Variants in CFAP92 observed in about 807,000 individuals in gnomAD.
CFAP92 encodes cilia and flagella associated protein 92 (putative), also known as uncharacterized protein CFAP92.
A neutral mutation model predicts 106.3 loss-of-function variants in CFAP92; 86 were observed. The observed-to-expected ratio is 0.81, with a 90% CI of 0.68 to 0.97. The LOEUF (loss-of-function observed/expected upper bound fraction) is 0.97. CFAP92 is among the 50% of genes least tolerant of loss of function. The probability of loss-of-function intolerance (pLI) is 0.00; values close to 1 mark genes in which losing one functional copy is unlikely to be tolerated. For missense variants in CFAP92, 1,204 were observed against 1,283.8 expected (o/e 0.94, Z 0.95); for synonymous variants, 477 against 506.4 (o/e 0.94, Z 0.78).
intron 9 of CFAP92, among the ~76,000 whole-genome samples, chr3:128,950,257 T>C (rs1480453180): frequency 1.3e-5 from 2 of 152,140 alleles, no homozygotes; most frequent in Non-Finnish European, 2.9e-5. Context: ...GAAAGCCCTG[T>C]AGAACCCAGG....
At chr3:128,932,673 C>T in intron 12 of CFAP92, 27 bp downstream of exon 12, 1 of 1,517,378 alleles carries the variant, frequency 6.6e-7, no homozygotes, top group Non-Finnish European at 8.8e-7. Flanking sequence ...GCCTGGGAAC[C>T]CCAAGTTGGG....
At position 128,978,140 on chromosome 3, in the gene CFAP92, C is replaced by G. The variant is rs777074633; in HGVS notation, c.713G>C (p.Gly238Ala). ...VLNQRKLSEQ[G>A]IENTNIVREE... ...TCTGACAATGTTGGTATTCTCAATG[C>G]CCTGTTCAGATAATTTTCTCTGATT... The change falls in exon 5 of 16, where the codon GGC becomes GCC. Residue 238 changes from glycine (G) to alanine (A), a missense_variant. By Grantham distance (60) the Gly-to-Ala change is moderately conservative. Coordinates refer to ENST00000645291, the MANE Select transcript of CFAP92 (RefSeq NM_001394090.1). 6.2e-7 allele frequency: 1 copy of G among 1,613,878 alleles called. No homozygotes were observed.
chr3:129,002,422 A>C (rs1458598370), intron 1 of CFAP92: 2 of 1,421,126 alleles, frequency 1.4e-6, no homozygotes, highest in African/African-American at 3.0e-5. Context: ...AGTCAGAGGA[A>C]GGGGAGACAG....
intron 15 of CFAP92, 133 bp downstream of exon 15, chr3:128,914,986 T>C (rs1936685313): frequency 1.2e-6 from 1 of 857,018 alleles, no homozygotes; most frequent in Non-Finnish European, 1.7e-6. Flanking sequence ...ATTCTGCATC[T>C]TGCTTTTCTT....
chr3:128,991,292 A>G (rs1944197587), intron 2 of CFAP92, among the ~76,000 whole-genome samples: 1 of 152,248 alleles, frequency 6.6e-6, no homozygotes, highest in African/African-American at 2.4e-5. Flanking sequence ...AATGGTCACC[A>G]TAAAATGACA....
intron 13 of CFAP92, 62 bp from the exon 14 acceptor site, chr3:128,915,625 A>G (rs1205298309): frequency 8.7e-7 from 1 of 1,144,834 alleles, no homozygotes; most frequent in Non-Finnish European, 1.2e-6. Flanking sequence ...ATTTATTTCC[A>G]AGTAGGAATC....
intron 4 of CFAP92, among the ~76,000 whole-genome samples, chr3:128,986,184 G>A (rs1007458466): frequency 6.6e-6 from 1 of 151,936 alleles, no homozygotes; most frequent in Non-Finnish European, 1.5e-5. Context: ...TCTGGAAGGT[G>A]CTGACAACGA....
intron 9 of CFAP92, among the ~76,000 whole-genome samples, chr3:128,951,797 C>T (rs1292887665): frequency 6.6e-6 from 1 of 152,214 alleles, no homozygotes; most frequent in African/African-American, 2.4e-5. Context: ...ACAAAGGCTA[C>T]ATGGGAAGCC....
intron 12 of CFAP92, among the ~76,000 whole-genome samples, chr3:128,927,343 C>T (rs1937781868): frequency 1.3e-5 from 2 of 148,444 alleles, no homozygotes; most frequent in Admixed American, 6.7e-5. Flanking sequence ...GAAGAGTATC[C>T]AGATTGGAAA....
At chr3:129,012,448 C>T in the CFAP92 span, among the ~76,000 whole-genome samples, 1 of 152,128 alleles carries the variant, frequency 6.6e-6, no homozygotes, top group African/African-American at 2.4e-5. Flanking sequence ...TGGTTCTACT[C>T]GCTCCTGCTC....
At chr3:128,950,466 C>T (rs1299640886) in intron 9 of CFAP92, among the ~76,000 whole-genome samples, 3 of 152,174 alleles carry the variant, frequency 2.0e-5, no homozygotes, top group South Asian at 2.1e-4. Context: ...CTAAAGGAAG[C>T]GGACTACACA....
chr3:128,936,834 A>AT (rs1559871411), intron 10 of CFAP92, among the ~76,000 whole-genome samples: 5 of 152,162 alleles, frequency 3.3e-5, no homozygotes, highest in African/African-American at 1.2e-4. Flanking sequence ...CCCAAATAAA[A>AT]TTTTTAAATT....
At chr3:128,997,239 C>A (rs988430240), upstream of CFAP92, among the ~76,000 whole-genome samples, 16 of 152,196 alleles carry the variant, frequency 1.1e-4, no homozygotes, top group African/African-American at 3.6e-4. Flanking sequence ...TCCCAAGACT[C>A]TGGCAGCTGG....
Position 128,984,240 on chromosome 3 carries a change from G to A in CFAP92, c.667+3376C>T, listed in dbSNP as rs576546308. On this transcript the variant is annotated intron_variant, in intron 4 of 15. Transcript: ENST00000645291. ...ATACTAAGTGTCAACTTGATTGAAG[G>A]AATGCAAAGTATTGATCCTGCTTGT... 1.7e-3 allele frequency among the ~76,000 whole-genome samples: 256 copies of A among 152,328 alleles called. 2 individuals carry two copies. Among genetic ancestry groups the A allele is most frequent in the Non-Finnish European group, 8.1e-4 (55 of 68,028 alleles).
chr3:128,915,652 A>G, intron 13 of CFAP92, 89 bp from the exon 14 acceptor site: 1 of 830,648 alleles, frequency 1.2e-6, no homozygotes, highest in Non-Finnish European at 1.8e-6. Context: ...AGCTGGGGGC[A>G]TAATCATAGT....
chr3:128,931,010 A>T (rs1938305699), intron 12 of CFAP92, among the ~76,000 whole-genome samples: 2 of 151,856 alleles, frequency 1.3e-5, no homozygotes, highest in South Asian at 4.1e-4. Context: ...GATTCAAGTG[A>T]TTCTCCTGCT....
chr3:128,971,040 C>A, intron 8 of CFAP92: 4 of 524,552 alleles, frequency 7.6e-6, no homozygotes, highest in Non-Finnish European at 1.3e-5. Context: ...ATTTTGGAAT[C>A]AAACAGAGCT....
At chr3:128,985,565 T>C (rs971042814) in intron 4 of CFAP92, among the ~76,000 whole-genome samples, 1 of 152,196 alleles carries the variant, frequency 6.6e-6, no homozygotes, top group Non-Finnish European at 1.5e-5. Flanking sequence ...TTTGCTACTA[T>C]GGCCCTTCCT....
intron 12 of CFAP92, among the ~76,000 whole-genome samples, chr3:128,916,487 T>G (rs947473202): frequency 6.6e-6 from 1 of 152,178 alleles, no homozygotes; most frequent in African/African-American, 2.4e-5. Context: ...ACCAAAAAAT[T>G]GAGACCCCTA....
Sources: gnomAD v4.1 joint callset for allele counts (sites outside exome capture counted in the v4.1 genomes callset) on GRCh38, gnomAD v4.1.1 for gene constraint, MANE v1.5 for transcripts, NCBI Gene and HGNC (gene_info 2026-07-23, HGNC 2026-07-21) for gene names.